Variants in NOL4 observed in about 807,000 individuals in gnomAD.
The protein encoded by NOL4 is nucleolar protein 4, also known as cancer/testis antigen 125.
A neutral mutation model predicts 75.9 loss-of-function variants in NOL4; 17 were observed. The ratio of observed to expected loss-of-function variants is 0.22; its 90% CI spans 0.15 to 0.34. NOL4 has a LOEUF of 0.34. Ranked by LOEUF, NOL4 falls within the 10% of genes least tolerant of loss-of-function variation. The probability of loss-of-function intolerance (pLI) is 1.00; values close to 1 mark genes in which losing one functional copy is unlikely to be tolerated. For missense variants in NOL4, 614 were observed against 793.5 expected (o/e 0.77, Z 2.72); for synonymous variants, 292 against 289.9 (o/e 1.01, Z -0.07).
At chr18:34,102,852 T>A (rs2079105332) in intron 4 of NOL4, among the ~76,000 whole-genome samples, 1 of 152,034 alleles carries the variant, frequency 6.6e-6, no homozygotes, top group Non-Finnish European at 1.5e-5. Flanking sequence ...TTCTTAATTG[T>A]CATTGATATC....
chr18:34,095,431 T>A (rs117605276), intron 4 of NOL4, among the ~76,000 whole-genome samples: 1,955 of 152,224 alleles, frequency 0.013, 12 homozygotes, highest in Middle Eastern at 0.034. Flanking sequence ...TACACTATAT[T>A]TACTTTCTGT....
At chr18:33,950,286 T>A (rs1477616493) in intron 8 of NOL4, among the ~76,000 whole-genome samples, 1 of 151,900 alleles carries the variant, frequency 6.6e-6, no homozygotes, top group Non-Finnish European at 1.5e-5. Context: ...TGTTTTCTTT[T>A]GTGAAAAAAA....
intron 5 of NOL4, among the ~76,000 whole-genome samples, chr18:34,080,648 T>G (rs1208788127): frequency 6.6e-6 from 1 of 152,176 alleles, no homozygotes; most frequent in Non-Finnish European, 1.5e-5. Flanking sequence ...TATTCATCCT[T>G]TTTTAAGAGA....
chr18:33,892,336 T>C (rs2065142708), intron 9 of NOL4, among the ~76,000 whole-genome samples: 1 of 152,082 alleles, frequency 6.6e-6, no homozygotes, highest in African/African-American at 2.4e-5. Flanking sequence ...GAGGCTGAGA[T>C]GGGAGGATCA....
At chr18:34,207,232 C>T (rs939180231) in intron 1 of NOL4, among the ~76,000 whole-genome samples, 1 of 151,976 alleles carries the variant, frequency 6.6e-6, no homozygotes, top group African/African-American at 2.4e-5. Flanking sequence ...GATTTGTTCC[C>T]TTTTCATTGT....
At position 33,852,803 on chromosome 18, in the gene NOL4, T is replaced by C. The variant is rs1333572939; in HGVS notation, c.*39A>G. 7.0e-6 allele frequency: 11 copies of C among 1,564,804 alleles called. No homozygotes were observed. Among genetic ancestry groups the C allele is most frequent in the African/African-American group, 1.4e-5 (1 of 73,756 alleles). On this transcript the variant is annotated 3_prime_UTR_variant, in exon 11 of 11. Transcript: ENST00000261592. ...AAATCAAAATGTCATTAGTGGAAAC[T>C]GCAAATTTAGACCTCAGTGAATATG...
chr18:34,013,069 A>G (rs1340687813), intron 6 of NOL4, among the ~76,000 whole-genome samples: 5 of 151,992 alleles, frequency 3.3e-5, no homozygotes, highest in Non-Finnish European at 7.4e-5. Flanking sequence ...TTGTTTAAAT[A>G]AAGCTAATAA....
At chr18:33,897,031 T>C (rs2065453219) in intron 9 of NOL4, among the ~76,000 whole-genome samples, 2 of 152,046 alleles carry the variant, frequency 1.3e-5, no homozygotes, top group Admixed American at 6.6e-5. Context: ...GTATCACTGA[T>C]CATTAGAGAA....
intron 1 of NOL4, among the ~76,000 whole-genome samples, chr18:34,179,217 A>G (rs2033823926): frequency 1.3e-5 from 2 of 151,590 alleles, no homozygotes; most frequent in South Asian, 2.1e-4. Context: ...CTGACTGTAA[A>G]TGCCTGCATT....
chr18:33,880,851 G>T (rs1467433880), intron 10 of NOL4, among the ~76,000 whole-genome samples: 1 of 151,758 alleles, frequency 6.6e-6, no homozygotes, highest in Non-Finnish European at 1.5e-5. Flanking sequence ...CAATCATTCA[G>T]TTATATAATA....
intron 10 of NOL4, among the ~76,000 whole-genome samples, chr18:33,872,171 G>C (rs1271358001): frequency 6.6e-6 from 1 of 151,806 alleles, no homozygotes; most frequent in East Asian, 1.9e-4. Context: ...TCAAAAATGT[G>C]GTCACATTTC....
At chr18:34,123,516 T>A (rs933882027) in intron 2 of NOL4, among the ~76,000 whole-genome samples, 4 of 135,360 alleles carry the variant, frequency 3.0e-5, no homozygotes, top group Non-Finnish European at 6.2e-5. Context: ...TGAGATATCA[T>A]TATATATGTG....
chr18:33,861,716 C>T (rs1408120198), intron 10 of NOL4, among the ~76,000 whole-genome samples: 3 of 152,032 alleles, frequency 2.0e-5, no homozygotes, highest in African/African-American at 7.2e-5. Context: ...TTATAAGGGA[C>T]ATGAAGGACC....
intron 1 of NOL4, among the ~76,000 whole-genome samples, chr18:34,149,295 G>A (rs2081544444): frequency 6.6e-6 from 1 of 151,560 alleles, no homozygotes. Flanking sequence ...TGAGTATATT[G>A]GAAAGAAATG....
intron 9 of NOL4, among the ~76,000 whole-genome samples, chr18:33,916,469 G>A (rs1211930294): frequency 6.6e-6 from 1 of 152,014 alleles, no homozygotes; most frequent in African/African-American, 2.4e-5. Flanking sequence ...TCTTTTATAG[G>A]TGGCTAGGAT....
At chr18:34,157,968 A>G (rs2030740472) in intron 1 of NOL4, among the ~76,000 whole-genome samples, 1 of 152,202 alleles carries the variant, frequency 6.6e-6, no homozygotes, top group Admixed American at 6.5e-5. Flanking sequence ...CATGACACAG[A>G]AAGTGTGACA....
At chr18:33,971,174 T>G (rs1023641748) in intron 6 of NOL4, among the ~76,000 whole-genome samples, 2 of 152,240 alleles carry the variant, frequency 1.3e-5, no homozygotes, top group African/African-American at 2.4e-5. Flanking sequence ...TCCATTTCCC[T>G]TATACTTTCA....
intron 9 of NOL4, among the ~76,000 whole-genome samples, chr18:33,911,297 T>C (rs867672997): frequency 6.6e-6 from 1 of 152,130 alleles, no homozygotes; most frequent in Non-Finnish European, 1.5e-5. Context: ...CCTTCATTTC[T>C]GAGAAATGTT....
At chr18:33,898,170 C>T (rs970596741) in intron 9 of NOL4, among the ~76,000 whole-genome samples, 6 of 152,160 alleles carry the variant, frequency 3.9e-5, no homozygotes, top group Non-Finnish European at 8.8e-5. Context: ...GCCTTGGCCT[C>T]CCAAAGTGCT....
Sources: gnomAD v4.1 joint callset for allele counts (sites outside exome capture counted in the v4.1 genomes callset) on GRCh38, gnomAD v4.1.1 for gene constraint, MANE v1.5 for transcripts, NCBI Gene and HGNC (gene_info 2026-07-23, HGNC 2026-07-21) for gene names.